ATP8B4: variants seen among roughly 807,000 people sequenced by gnomAD.
ATP8B4 encodes probable phospholipid-transporting ATPase IM.
ATP8B4 carries 133 observed loss-of-function variants against 145.6 expected under a neutral mutation model. The ratio of observed to expected loss-of-function variants is 0.91; its 90% CI spans 0.79 to 1.05. The LOEUF is 1.05. Among genes scored for constraint, ATP8B4 ranks in the 50% least tolerant of loss-of-function variants. The pLI, the probability that ATP8B4 is intolerant of heterozygous loss-of-function variation, is 0.00. For missense variants in ATP8B4, 1,458 were observed against 1,425.2 expected, an observed-to-expected ratio of 1.02 and a Z score of -0.37; for synonymous variants, 507 against 492.9, an observed-to-expected ratio of 1.03 and a Z score of -0.38.
At chr15:50,015,505 C>G (rs979681148) in intron 6 of ATP8B4, among the ~76,000 whole-genome samples, 5 of 152,132 alleles carry the variant, frequency 3.3e-5, no homozygotes, top group African/African-American at 1.2e-4. Flanking sequence ...CTTTTTATTT[C>G]CCAGAGTAAT....
At chr15:49,883,655 T>C (rs890326060) in intron 23 of ATP8B4, 3 of 152,210 alleles carry the variant, frequency 2.0e-5, no homozygotes, top group Non-Finnish European at 4.4e-5. Context: ...GGTTAGGAGA[T>C]TGCTCAATGT....
chr15:49,862,392 A>T lies in ATP8B4; in HGVS notation c.3167-17T>A, dbSNP rs565984615. On this transcript the variant is annotated splice_polypyrimidine_tract_variant and intron_variant, in intron 26 of 27. Coordinates refer to ENST00000284509, the MANE Select transcript of ATP8B4 (RefSeq NM_024837.4). ...GTGCATTACCTATCAATCATTAAAG[A>T]AAATATACACTGTGGTTACAAGTAG... 1 of 1,611,616 alleles carries T rather than the reference A, an allele frequency of 6.2e-7. No individual in the cohort carries two copies. Among genetic ancestry groups the T allele is most frequent in the East Asian group, 2.2e-5 (1 of 44,758 alleles).
At chr15:50,153,620 A>C (rs1400881664) in intron 1 of ATP8B4, among the ~76,000 whole-genome samples, 1 of 146,398 alleles carries the variant, frequency 6.8e-6, no homozygotes, top group Non-Finnish European at 1.5e-5. Flanking sequence ...TACAGGCATG[A>C]GCCACTGCGC....
intron 9 of ATP8B4, among the ~76,000 whole-genome samples, chr15:49,991,300 T>C (rs1309562310): frequency 1.3e-5 from 2 of 152,290 alleles, no homozygotes; most frequent in East Asian, 3.9e-4. Flanking sequence ...AGTCAACCTT[T>C]CCTCGGTTCA....
chr15:49,901,815 A>G, intron 20 of ATP8B4: 1 of 425,674 alleles, frequency 2.3e-6, no homozygotes, highest in Non-Finnish European at 4.6e-6. Flanking sequence ...ATAATAGGAT[A>G]GAACATTTTA....
At chr15:50,041,505 C>T (rs1567247585) in intron 5 of ATP8B4, among the ~76,000 whole-genome samples, 1 of 152,186 alleles carries the variant, frequency 6.6e-6, no homozygotes, top group East Asian at 1.9e-4. Context: ...GTACACTGAC[C>T]TTCAGAAGAC....
intron 10 of ATP8B4, among the ~76,000 whole-genome samples, chr15:49,984,446 A>G (rs1192485543): frequency 6.6e-6 from 1 of 152,214 alleles, no homozygotes; most frequent in East Asian, 1.9e-4. Flanking sequence ...AGGTTAGTGC[A>G]TTAACCAAGG....
chr15:49,931,108 A>G lies in ATP8B4; in HGVS notation c.1642+11T>C. Reference sequence around the variant, plus strand: ...GAAAAGATCAAAAATAGTCTTAGCTACCAACCATACCTATGACAGACATCC... The same window carrying G: ...GAAAAGATCAAAAATAGTCTTAGCTGCCAACCATACCTATGACAGACATCC... On this transcript the variant is annotated intron_variant, in intron 16 of 27. Coordinates refer to ENST00000284509, the MANE Select transcript of ATP8B4 (RefSeq NM_024837.4). The G allele has an allele frequency of 6.2e-7, 1 of 1,601,188 alleles. No individual in the cohort carries two copies. Among genetic ancestry groups the G allele is most frequent in the Non-Finnish European group, 8.5e-7 (1 of 1,172,536 alleles).
At chr15:49,861,073 G>T (rs116599365) in intron 27 of ATP8B4, among the ~76,000 whole-genome samples, 235 of 89,626 alleles carry the variant, frequency 2.6e-3, no homozygotes, top group African/African-American at 8.5e-3. Flanking sequence ...CCTGAGGTTT[G>T]CTGTACTCTT....
intron 16 of ATP8B4, among the ~76,000 whole-genome samples, chr15:49,926,730 C>T (rs1264693535): frequency 2.0e-5 from 3 of 152,072 alleles, no homozygotes; most frequent in South Asian, 2.1e-4. Context: ...TTAAGATGAA[C>T]CAAAATTGTG....
chr15:50,054,633 A>C (rs192031021), intron 3 of ATP8B4, among the ~76,000 whole-genome samples: 6 of 151,836 alleles, frequency 4.0e-5, no homozygotes, highest in Non-Finnish European at 7.4e-5. Flanking sequence ...AATACAAAAA[A>C]ATTGGCCGTG....
intron 1 of ATP8B4, among the ~76,000 whole-genome samples, chr15:50,179,482 A>G (rs1375594258): frequency 6.6e-6 from 1 of 152,234 alleles, no homozygotes; most frequent in African/African-American, 2.4e-5. Context: ...ATGGGGAACC[A>G]CTAAAGATAA....
intron 23 of ATP8B4, among the ~76,000 whole-genome samples, chr15:49,892,342 GA>G (rs1049052655): frequency 2.6e-4 from 39 of 152,148 alleles, no homozygotes; most frequent in African/African-American, 8.2e-4. Flanking sequence ...TTTATAAGAT[GA>G]AAAAAACTTT....
chr15:50,038,365 T>G (rs1356024815), intron 6 of ATP8B4, among the ~76,000 whole-genome samples: 2 of 152,238 alleles, frequency 1.3e-5, no homozygotes, highest in African/African-American at 4.8e-5. Context: ...TTCTTATCAC[T>G]ATCACTTGAT....
chr15:49,968,433 A>G (rs530498791), intron 13 of ATP8B4, among the ~76,000 whole-genome samples: 1 of 152,310 alleles, frequency 6.6e-6, no homozygotes, highest in East Asian at 1.9e-4. Context: ...AGGAATATTT[A>G]CCAAACAAAT....
intron 3 of ATP8B4, among the ~76,000 whole-genome samples, chr15:50,062,765 G>C (rs971205947): frequency 6.6e-6 from 1 of 152,034 alleles, no homozygotes; most frequent in Non-Finnish European, 1.5e-5. Flanking sequence ...TCTCATATCA[G>C]AGTACAAGGG....
chr15:50,123,322 G>GT (rs879892491), upstream of ATP8B4, among the ~76,000 whole-genome samples: 1 of 152,140 alleles, frequency 6.6e-6, no homozygotes, highest in Non-Finnish European at 1.5e-5. Context: ...AACAAAGATG[G>GT]TAACAGCCCT....
At chr15:50,146,795 CT>C (rs1258132864) in intron 1 of ATP8B4, among the ~76,000 whole-genome samples, 1 of 152,100 alleles carries the variant, frequency 6.6e-6, no homozygotes, top group Non-Finnish European at 1.5e-5. Context: ...GCCAGAGTCC[CT>C]GCTAGAGAAC....
intron 23 of ATP8B4, chr15:49,885,787 C>T (rs1160590703): frequency 6.6e-6 from 1 of 152,218 alleles, no homozygotes; most frequent in Non-Finnish European, 1.5e-5. Flanking sequence ...CCCAACACCC[C>T]ATATCAAATC....
Sources: gnomAD v4.1 joint callset for allele counts (sites outside exome capture counted in the v4.1 genomes callset) on GRCh38, gnomAD v4.1.1 for gene constraint, MANE v1.5 for transcripts, NCBI Gene and HGNC (gene_info 2026-07-23, HGNC 2026-07-21) for gene names.